Variants in EVI5 observed in about 807,000 individuals in gnomAD.
EVI5 encodes ecotropic viral integration site 5.
In EVI5, 73 loss-of-function variants were observed where a neutral mutation model predicts 112.0. The ratio of observed to expected loss-of-function variants is 0.65; its 90% CI spans 0.54 to 0.79. EVI5 has a LOEUF of 0.79. Among genes scored for constraint, EVI5 ranks in the 30% least tolerant of loss-of-function variants. The probability of loss-of-function intolerance (pLI) is 0.00; values close to 1 mark genes in which losing one functional copy is unlikely to be tolerated. For missense variants in EVI5, 900 were observed against 968.8 expected (o/e 0.93, Z 0.94); for synonymous variants, 305 against 319.9 (o/e 0.95, Z 0.50).
intron 2 of EVI5, among the ~76,000 whole-genome samples, chr1:92,716,475 TCAA>T (rs1673707975): frequency 6.6e-6 from 1 of 152,154 alleles, no homozygotes; most frequent in East Asian, 1.9e-4. Flanking sequence ...GTCACCAACA[TCAA>T]AGACCAAAGG....
chr1:92,721,176 G>C (rs932662576), intron 2 of EVI5, among the ~76,000 whole-genome samples: 3 of 152,066 alleles, frequency 2.0e-5, no homozygotes, highest in Admixed American at 6.6e-5. Flanking sequence ...CCCATTACTG[G>C]GTATATACCC....
At chr1:92,652,907 G>A (rs561430053) in intron 13 of EVI5, among the ~76,000 whole-genome samples, 2 of 152,278 alleles carry the variant, frequency 1.3e-5, no homozygotes, top group Admixed American at 6.5e-5. Flanking sequence ...TAGGAACCCC[G>A]AGGGATTTGG....
At chr1:92,727,729 A>G (rs1259556695) in intron 2 of EVI5, among the ~76,000 whole-genome samples, 1 of 152,096 alleles carries the variant, frequency 6.6e-6, no homozygotes, top group Non-Finnish European at 1.5e-5. Context: ...AACTCCAAAG[A>G]TTTTTTCTAG....
At position 92,569,852 on chromosome 1, in the gene EVI5, C is replaced by CAA. The variant is rs1184172805; in HGVS notation, c.2071-6117_2071-6116dup. On this transcript the variant is annotated intron_variant, in intron 18 of 19. Transcript: ENST00000684568. ...CTGGCGATGGAGGGAGACTCCATCTCAAAAAAAAAAAAAAAAAAAAAAAAA... is the reference window on the plus strand; with the variant it reads ...CTGGCGATGGAGGGAGACTCCATCTCAAAAAAAAAAAAAAAAAAAAAAAAAAA... Among the ~76,000 whole-genome samples the CAA allele has an allele frequency of 5.7e-3, 223 of 39,214 alleles. 1 individual carries two copies. The highest frequency in any genetic ancestry group is 0.014 in the Middle Eastern group (1 of 74). 25.7% of individuals were successfully genotyped at this position (39,214 alleles called of 152,430 possible). A position where few individuals can be genotyped will look rare whatever the true frequency, so the allele number is the denominator to read the frequency against.
intron 13 of EVI5, among the ~76,000 whole-genome samples, chr1:92,642,798 C>G (rs1572069790): frequency 1.3e-5 from 1 of 78,976 alleles, no homozygotes; most frequent in Non-Finnish European, 2.4e-5. Flanking sequence ...TCCTGTCTAG[C>G]CTCCCATTAA....
chr1:92,781,812 G>A (rs1416682767), intron 1 of EVI5, among the ~76,000 whole-genome samples: 1 of 151,808 alleles, frequency 6.6e-6, no homozygotes, highest in Non-Finnish European at 1.5e-5. Context: ...AAAATTAGCT[G>A]GGCATGGTGG....
intron 1 of EVI5, among the ~76,000 whole-genome samples, chr1:92,750,964 C>T (rs905969815): frequency 2.0e-5 from 3 of 152,058 alleles, no homozygotes; most frequent in African/African-American, 7.2e-5. Context: ...TCCTGGCTAA[C>T]ACGGTAAAAC....
At chr1:92,739,527 C>T (rs1251034051) in intron 1 of EVI5, among the ~76,000 whole-genome samples, 2 of 151,954 alleles carry the variant, frequency 1.3e-5, no homozygotes, top group Non-Finnish European at 2.9e-5. Context: ...GTGAAGGTTG[C>T]ACAACCTTGT....
chr1:92,727,403 C>T (rs1356970330), intron 2 of EVI5, among the ~76,000 whole-genome samples: 1 of 152,136 alleles, frequency 6.6e-6, no homozygotes, highest in Non-Finnish European at 1.5e-5. Context: ...ATCTGACTTA[C>T]TTTGGCCAAT....
chr1:92,723,902 C>T (rs1455474458), intron 2 of EVI5, among the ~76,000 whole-genome samples: 1 of 152,144 alleles, frequency 6.6e-6, no homozygotes, highest in Non-Finnish European at 1.5e-5. Context: ...CTGTCTTACG[C>T]GGTTGAGATA....
chr1:92,553,447 C>T (rs1355225500), intron 19 of EVI5, among the ~76,000 whole-genome samples: 1 of 151,922 alleles, frequency 6.6e-6, no homozygotes, highest in Admixed American at 6.6e-5. Flanking sequence ...GGATTACAGG[C>T]GTGCACCACC....
chr1:92,742,605 G>A (rs562441948), intron 1 of EVI5, among the ~76,000 whole-genome samples: 15 of 152,056 alleles, frequency 9.9e-5, no homozygotes, highest in African/African-American at 3.4e-4. Context: ...CGCAGGAGGT[G>A]GAGGTTGCAG....
rs71091297 is a variant in EVI5 at position 92,710,086 on chromosome 1, C to CAAAAAAAAAAAAA, written c.150-5355_150-5343dup. Among the ~76,000 whole-genome samples, 455 of 82,752 alleles carry CAAAAAAAAAAAAA rather than the reference C, an allele frequency of 5.5e-3. 30 individuals are homozygous for CAAAAAAAAAAAAA. Among genetic ancestry groups the CAAAAAAAAAAAAA allele is most frequent in the East Asian group, 0.026 (57 of 2,214 alleles). 54.3% of individuals were successfully genotyped at this position (82,752 alleles called of 152,430 possible). ...TGCCTTACATGGATTTATTGCAAAGCAAAAAAAAAAAAAAGGGAGGCCGAG... is the reference window on the plus strand; with the variant it reads ...TGCCTTACATGGATTTATTGCAAAGCAAAAAAAAAAAAAAAAAAAAAAAAAAAGGGAGGCCGAG... On this transcript the variant is annotated intron_variant, in intron 2 of 19. Coordinates refer to ENST00000684568, the MANE Select transcript of EVI5 (RefSeq NM_001350197.2).
chr1:92,543,277 A>C (rs1249450009), intron 19 of EVI5, among the ~76,000 whole-genome samples: 1 of 152,192 alleles, frequency 6.6e-6, no homozygotes, highest in African/African-American at 2.4e-5. Flanking sequence ...TTCACCTTGT[A>C]CTTTTATGTG....
chr1:92,644,907 A>C (rs1323209889), intron 13 of EVI5, among the ~76,000 whole-genome samples: 1 of 152,192 alleles, frequency 6.6e-6, no homozygotes, highest in Non-Finnish European at 1.5e-5. Context: ...CAAATTTGAT[A>C]AAGTTCCTTT....
At chr1:92,522,701 TG>T (rs1661178779) in intron 19 of EVI5, among the ~76,000 whole-genome samples, 1 of 150,814 alleles carries the variant, frequency 6.6e-6, no homozygotes, top group Non-Finnish European at 1.5e-5. Flanking sequence ...CCTACAACTT[TG>T]CATCACTTTT....
intron 9 of EVI5, among the ~76,000 whole-genome samples, chr1:92,679,713 C>T (rs1053998355): frequency 3.3e-5 from 5 of 152,082 alleles, no homozygotes; most frequent in African/African-American, 1.2e-4. Flanking sequence ...TGATGAGAAC[C>T]TTGACAGTTT....
At chr1:92,666,706 G>A (rs1664971245) in intron 10 of EVI5, among the ~76,000 whole-genome samples, 2 of 151,816 alleles carry the variant, frequency 1.3e-5, no homozygotes, top group South Asian at 4.1e-4. Context: ...TAAAGAAAGA[G>A]AAATAAATAC....
In EVI5 at chr1:92,510,668, C is replaced by G. The variant is rs199910761; in HGVS notation, c.*2988G>C. On this transcript the variant is annotated 3_prime_UTR_variant, in exon 20 of 20. Coordinates refer to ENST00000684568, the MANE Select transcript of EVI5 (RefSeq NM_001350197.2). ...TATGGTCTCCCTTGCAATGACTCAA[C>G]TCTGCTACTGTAGCACAAAGCGGCC... 4.6e-5 allele frequency: 7 copies of G among 152,318 alleles called. No homozygotes were observed. Among genetic ancestry groups the G allele is most frequent in the African/African-American group, 1.2e-4 (5 of 41,580 alleles). 9.4% of individuals were successfully genotyped at this position (152,318 alleles called of 1,614,324 possible). A position where few individuals can be genotyped will look rare whatever the true frequency, so the allele number is the denominator to read the frequency against.
Sources: gnomAD v4.1 joint callset for allele counts (sites outside exome capture counted in the v4.1 genomes callset) on GRCh38, gnomAD v4.1.1 for gene constraint, MANE v1.5 for transcripts, NCBI Gene and HGNC (gene_info 2026-07-23, HGNC 2026-07-21) for gene names.